The following AIG1 variants were observed in gnomAD, a reference collection of about 807,000 sequenced individuals.
AIG1 encodes androgen-induced gene 1 protein.
Under a neutral mutation model 31.4 loss-of-function variants are expected in AIG1, and 23 were observed. The ratio of observed to expected loss-of-function variants is 0.73; its 90% CI spans 0.53 to 1.04. The LOEUF is 1.04. AIG1 is among the 50% of genes least tolerant of loss of function. The pLI, the probability that AIG1 is intolerant of heterozygous loss-of-function variation, is 0.00. For synonymous variants in AIG1, 100 were observed against 110.5 expected, an observed-to-expected ratio of 0.90 and a Z score of 0.60; for missense variants, 274 against 295.0, an observed-to-expected ratio of 0.93 and a Z score of 0.52.
intron 3 of AIG1, among the ~76,000 whole-genome samples, chr6:143,250,311 T>C (rs1217742469): frequency 1.3e-5 from 2 of 152,224 alleles, no homozygotes; most frequent in African/African-American, 2.4e-5. Context: ...ACGTTTTAAA[T>C]GTTTTCATGC....
chr6:143,240,249 G>T (rs1301263269), intron 3 of AIG1, among the ~76,000 whole-genome samples: 5 of 152,218 alleles, frequency 3.3e-5, no homozygotes, highest in Admixed American at 3.3e-4. Context: ...TTGTAAGGGT[G>T]AAATGAGTAT....
chr6:143,200,985 A>G (rs1357155908), intron 3 of AIG1, among the ~76,000 whole-genome samples: 1 of 151,786 alleles, frequency 6.6e-6, no homozygotes, highest in Non-Finnish European at 1.5e-5. Context: ...TGAAATTTGG[A>G]CTCCCACATC....
chr6:143,271,427 C>A (rs987046556), intron 3 of AIG1, among the ~76,000 whole-genome samples: 1 of 152,200 alleles, frequency 6.6e-6, no homozygotes, highest in South Asian at 2.1e-4. Flanking sequence ...TTAAATCAGG[C>A]TTTAAAGGTT....
At chr6:143,174,227 G>A (rs563857705) in intron 3 of AIG1, among the ~76,000 whole-genome samples, 11 of 152,048 alleles carry the variant, frequency 7.2e-5, no homozygotes, top group Admixed American at 5.9e-4. Flanking sequence ...GGTGGCTCAC[G>A]CCTGTAATCC....
At chr6:143,141,922 G>A (rs1408356075) in intron 2 of AIG1, among the ~76,000 whole-genome samples, 2 of 151,514 alleles carry the variant, frequency 1.3e-5, no homozygotes, top group Non-Finnish European at 2.9e-5. Context: ...AGCAGAAACA[G>A]CAAATAAATA....
intron 5 of AIG1, chr6:143,335,002 C>A: frequency 9.2e-7 from 1 of 1,089,662 alleles, no homozygotes; most frequent in Non-Finnish European, 1.2e-6. Flanking sequence ...TTATGCCATT[C>A]TTTTAAGTAA....
At chr6:143,077,867 ATATTAACACTTGG>A (rs1777875265) in intron 1 of AIG1, among the ~76,000 whole-genome samples, 1 of 152,150 alleles carries the variant, frequency 6.6e-6, no homozygotes, top group Non-Finnish European at 1.5e-5. Context: ...CCGCCACTTA[ATATTAACACTTGG>A]TAGATGTAGT....
In AIG1 at chr6:143,130,385, C is replaced by G. The variant is rs745866465; in HGVS notation, c.142-6450C>G. On this transcript the variant is annotated intron_variant, in intron 1 of 5. Coordinates refer to ENST00000357847, the MANE Select transcript of AIG1 (RefSeq NM_016108.4). ...TCAAAAGAGAAAAAAGTGTTCCCTACTGTATGCTTAGCTTGCTCTGGAAAC... is the reference window on the plus strand; with the variant it reads ...TCAAAAGAGAAAAAAGTGTTCCCTAGTGTATGCTTAGCTTGCTCTGGAAAC... Among the ~76,000 whole-genome samples the G allele has an allele frequency of 6.6e-5, 10 of 152,064 alleles. 1 individual carries two copies. The highest frequency in any genetic ancestry group is 1.5e-5 in the Non-Finnish European group (1 of 68,016).
intron 4 of AIG1, among the ~76,000 whole-genome samples, chr6:143,306,470 T>C (rs1463683251): frequency 6.6e-6 from 1 of 152,140 alleles, no homozygotes; most frequent in African/African-American, 2.4e-5. Flanking sequence ...GATTTTATTT[T>C]GCCTTCACTT....
At chr6:143,260,928 T>C (rs962600042) in intron 3 of AIG1, among the ~76,000 whole-genome samples, 6 of 152,128 alleles carry the variant, frequency 3.9e-5, no homozygotes, top group Non-Finnish European at 1.5e-5. Flanking sequence ...ATCCCTTTGC[T>C]CATTAAAATT....
At chr6:143,308,921 A>G (rs532868574) in intron 4 of AIG1, among the ~76,000 whole-genome samples, 1 of 152,210 alleles carries the variant, frequency 6.6e-6, no homozygotes, top group East Asian at 1.9e-4. Flanking sequence ...GGGTGTGTAA[A>G]GTTTCTGCCA....
chr6:143,247,125 CT>C (rs1794674931), intron 3 of AIG1, among the ~76,000 whole-genome samples: 2 of 128,012 alleles, frequency 1.6e-5, no homozygotes, highest in South Asian at 6.0e-4. Flanking sequence ...CTCACCTGGG[CT>C]TTGGTGTCCA....
At chr6:143,260,857 G>A (rs1299809354) in intron 3 of AIG1, among the ~76,000 whole-genome samples, 1 of 152,168 alleles carries the variant, frequency 6.6e-6, no homozygotes, top group Non-Finnish European at 1.5e-5. Context: ...GCAAAAGCCT[G>A]CAATTCATTG....
intron 3 of AIG1, among the ~76,000 whole-genome samples, chr6:143,264,629 A>G (rs1366919303): frequency 1.3e-5 from 2 of 152,196 alleles, no homozygotes; most frequent in Non-Finnish European, 2.9e-5. Flanking sequence ...CATTTCCTTG[A>G]GACTCCCCAG....
At chr6:143,250,178 C>G (rs910539239) in intron 3 of AIG1, among the ~76,000 whole-genome samples, 1 of 152,196 alleles carries the variant, frequency 6.6e-6, no homozygotes, top group Non-Finnish European at 1.5e-5. Context: ...TCACTCTTCT[C>G]CATGATTGTG....
In AIG1 at chr6:143,243,395, CA is replaced by C. The variant is rs1450761244; in HGVS notation, c.400-40708del. Among the ~76,000 whole-genome samples the C allele has an allele frequency of 3.9e-5, 6 of 152,126 alleles. No homozygotes were observed. In the South Asian group the frequency reaches 1.2e-3, roughly 32 times the overall value. On this transcript the variant is annotated intron_variant, in intron 3 of 5. Coordinates refer to ENST00000357847, the MANE Select transcript of AIG1 (RefSeq NM_016108.4). Reference sequence around the variant, plus strand: ...ATGAAAATAACACTAATAGAAGTTTCAAAAAAAGGAAGCCTGTACATTCTTG... The same window carrying C: ...ATGAAAATAACACTAATAGAAGTTTCAAAAAAGGAAGCCTGTACATTCTTG...
intron 3 of AIG1, among the ~76,000 whole-genome samples, chr6:143,169,564 T>C (rs972226088): frequency 6.6e-6 from 1 of 152,148 alleles, no homozygotes; most frequent in Non-Finnish European, 1.5e-5. Flanking sequence ...CTAGCTATAA[T>C]TGTGTCTCTG....
At chr6:143,266,301 C>A (rs141708119) in intron 3 of AIG1, among the ~76,000 whole-genome samples, 1 of 137,416 alleles carries the variant, frequency 7.3e-6, no homozygotes, top group East Asian at 2.3e-4. Flanking sequence ...GAGTCGAGAT[C>A]GTGCCATTGC....
Position 143,083,969 on chromosome 6 carries a change from G to A in AIG1, c.141+22903G>A, listed in dbSNP as rs369541111. Among the ~76,000 whole-genome samples, 11 of 152,300 alleles carry A rather than the reference G, an allele frequency of 7.2e-5. No individual in the cohort carries two copies. The East Asian group carries it at 1.5e-3, about 21-fold the overall frequency. On this transcript the variant is annotated intron_variant, in intron 1 of 5. Transcript: ENST00000357847. ...CTTTCAGGCATAATTAGAAAGGCAT[G>A]TGAAAAGAGTAAAGTTCCCCAGTTA...
Sources: gnomAD v4.1 joint callset for allele counts (sites outside exome capture counted in the v4.1 genomes callset) on GRCh38, gnomAD v4.1.1 for gene constraint, MANE v1.5 for transcripts, NCBI Gene and HGNC (gene_info 2026-07-23, HGNC 2026-07-21) for gene names.